CSMD1: variants seen among roughly 807,000 people sequenced by gnomAD.
CSMD1 encodes CUB and sushi domain-containing protein 1.
Under a neutral mutation model 417.5 loss-of-function variants are expected in CSMD1, and 213 were observed. The observed-to-expected ratio is 0.51, with a 90% CI of 0.46 to 0.57. CSMD1 has a LOEUF of 0.57. Ranked by LOEUF, CSMD1 falls within the 20% of genes least tolerant of loss-of-function variation. The pLI is 0.00. For synonymous variants in CSMD1, 2,862 were observed against 1,736.8 expected, an observed-to-expected ratio of 1.65 and a Z score of -16.11; for missense variants, 6,923 against 4,529.7, an observed-to-expected ratio of 1.53 and a Z score of -15.17.
intron 42 of CSMD1, 96 bp downstream of exon 42, chr8:3,118,303 T>C (rs1462636768): frequency 1.2e-6 from 1 of 833,168 alleles, no homozygotes; most frequent in African/African-American, 1.8e-5. Flanking sequence ...ATTTATTGAA[T>C]ACATTAATAA....
intron 3 of CSMD1, among the ~76,000 whole-genome samples, chr8:4,313,029 A>G (rs1315039550): frequency 1.3e-5 from 2 of 152,304 alleles, no homozygotes; most frequent in African/African-American, 4.8e-5. Flanking sequence ...AATGATTCAC[A>G]TAAATTTCTA....
At position 3,052,557 on chromosome 8, in the gene CSMD1, T is replaced by G; in HGVS notation, c.7565A>C (p.His2522Pro). 1 of 1,610,222 alleles carries G rather than the reference T, an allele frequency of 6.2e-7. No individual in the cohort carries two copies. The highest frequency in any genetic ancestry group is 1.1e-5 in the South Asian group (1 of 89,934). Reference sequence around the variant, plus strand: ...GCTGGATTCAAGCTTGAAGCCCTCATGACATTCATAGACCACTTTACTGTC... The same window carrying G: ...GCTGGATTCAAGCTTGAAGCCCTCAGGACATTCATAGACCACTTTACTGTC... ...TLDSKVVYEC[H>P]EGFKLESSQQ... The change falls in exon 50 of 70, where the codon CAT becomes CCT. Residue 2522 changes from histidine (H) to proline (P), a missense_variant. Transcript: ENST00000635120.
chr8:4,421,971 C>G (rs1436028979), intron 2 of CSMD1, among the ~76,000 whole-genome samples: 1 of 151,960 alleles, frequency 6.6e-6, no homozygotes. Context: ...TCAAATATTA[C>G]TATGAACTCA....
intron 1 of CSMD1, among the ~76,000 whole-genome samples, chr8:4,734,529 T>C (rs1388430957): frequency 6.6e-6 from 1 of 152,190 alleles, no homozygotes; most frequent in Non-Finnish European, 1.5e-5. Context: ...TGTTGAAGAT[T>C]TAGAAACGTA....
rs138179702 is a variant in CSMD1 at position 3,237,568 on chromosome 8, A to C, written c.4154-7337T>G. On this transcript the variant is annotated intron_variant, in intron 26 of 69. Coordinates refer to ENST00000635120, the MANE Select transcript of CSMD1 (RefSeq NM_033225.6). ...TATAAATAACACAACTTTGCATATA[A>C]ATATAATTTTTATACTTATACTATA... is the stretch of plus-strand genomic sequence containing the variant. 1.3e-3 allele frequency among the ~76,000 whole-genome samples: 178 copies of C among 139,510 alleles called. No individual in the cohort carries two copies. The East Asian group carries it at 0.036, about 29-fold the overall frequency. The allele number at this position is 139,510 out of a possible 152,430, so 91.5% of individuals were successfully genotyped here.
chr8:2,995,396 G>A (rs937974141), intron 54 of CSMD1, among the ~76,000 whole-genome samples: 6 of 152,280 alleles, frequency 3.9e-5, no homozygotes, highest in Middle Eastern at 3.4e-3. Context: ...TGACCGCACC[G>A]AATGCTGGAC....
At chr8:3,647,624 A>G (rs998886974) in intron 7 of CSMD1, among the ~76,000 whole-genome samples, 2 of 152,240 alleles carry the variant, frequency 1.3e-5, no homozygotes, top group African/African-American at 4.8e-5. Flanking sequence ...GAAATGTGGT[A>G]TGCTGCCATG....
chr8:4,585,603 G>T (rs1303922020), intron 2 of CSMD1, among the ~76,000 whole-genome samples: 1 of 151,998 alleles, frequency 6.6e-6, no homozygotes, highest in Non-Finnish European at 1.5e-5. Flanking sequence ...AAATTACAAA[G>T]AGAAAAATTT....
At chr8:4,309,668 T>G (rs1396734813) in intron 3 of CSMD1, among the ~76,000 whole-genome samples, 1 of 152,168 alleles carries the variant, frequency 6.6e-6, no homozygotes, top group African/African-American at 2.4e-5. Flanking sequence ...TATTTGAGCA[T>G]ATCACCTTAC....
chr8:4,004,548 A>C (rs968504688), intron 4 of CSMD1, among the ~76,000 whole-genome samples: 1 of 152,112 alleles, frequency 6.6e-6, no homozygotes, highest in East Asian at 1.9e-4. Context: ...TAGTATTTTT[A>C]GCAACCTAAT....
At chr8:4,702,373 C>G (rs1807621722) in intron 1 of CSMD1, among the ~76,000 whole-genome samples, 1 of 152,228 alleles carries the variant, frequency 6.6e-6, no homozygotes, top group Non-Finnish European at 1.5e-5. Context: ...TCCGAAGTAG[C>G]AATTCCAAGA....
intron 36 of CSMD1, chr8:3,183,059 A>G (rs117010884): frequency 0.1 from 15,354 of 151,850 alleles, 1,046 homozygotes; most frequent in Non-Finnish European, 0.14. Context: ...CACCCGGCCT[A>G]GAAGAGGCTT....
chr8:4,435,230 A>C (rs995146395), intron 2 of CSMD1, among the ~76,000 whole-genome samples: 13 of 152,332 alleles, frequency 8.5e-5, no homozygotes, highest in African/African-American at 3.1e-4. Flanking sequence ...TTGGAAAATT[A>C]AACCTTGAAA....
At chr8:3,854,494 T>C (rs1040000383) in intron 5 of CSMD1, among the ~76,000 whole-genome samples, 3 of 152,172 alleles carry the variant, frequency 2.0e-5, no homozygotes, top group African/African-American at 7.2e-5. Flanking sequence ...ACTTTTGAGA[T>C]ACAGATAATA....
At chr8:3,483,575 T>A (rs535083132) in intron 11 of CSMD1, among the ~76,000 whole-genome samples, 1 of 152,066 alleles carries the variant, frequency 6.6e-6, no homozygotes, top group East Asian at 1.9e-4. Context: ...CAAGATTTCA[T>A]AAACTCTTGC....
At chr8:4,687,911 C>G (rs1352402866) in intron 1 of CSMD1, among the ~76,000 whole-genome samples, 4 of 152,068 alleles carry the variant, frequency 2.6e-5, no homozygotes. Flanking sequence ...AACGACATGT[C>G]ATATGTGAAT....
At chr8:3,908,960 T>A (rs1329299539) in intron 5 of CSMD1, among the ~76,000 whole-genome samples, 1 of 152,194 alleles carries the variant, frequency 6.6e-6, no homozygotes, top group Non-Finnish European at 1.5e-5. Context: ...TCACTACTGT[T>A]CTCCTTCACT....
chr8:4,580,231 T>A (rs1278981748), intron 2 of CSMD1, among the ~76,000 whole-genome samples: 1 of 152,202 alleles, frequency 6.6e-6, no homozygotes, highest in African/African-American at 2.4e-5. Flanking sequence ...CCCTTGTGGG[T>A]ACTGCCTTAA....
chr8:4,781,950 A>G (rs890229958), intron 1 of CSMD1, among the ~76,000 whole-genome samples: 2 of 152,198 alleles, frequency 1.3e-5, no homozygotes, highest in Admixed American at 1.3e-4. Flanking sequence ...TAAAAAATAT[A>G]CAAATGACAA....
Sources: allele counts gnomAD v4.1 joint callset (sites outside exome capture counted in the v4.1 genomes callset), GRCh38; gene constraint gnomAD v4.1.1; transcripts MANE v1.5; gene names NCBI Gene and HGNC (gene_info 2026-07-23, HGNC 2026-07-21).